Variants in SNTG2 observed in about 807,000 individuals in gnomAD.
The protein encoded by SNTG2 is gamma-2-syntrophin.
In SNTG2, 74 loss-of-function variants were observed where a neutral mutation model predicts 70.9. The ratio of observed to expected loss-of-function variants is 1.04; its 90% CI spans 0.86 to 1.27. The LOEUF (loss-of-function observed/expected upper bound fraction) is 1.27. Among genes scored for constraint, SNTG2 ranks in the 50% most tolerant of loss-of-function variants. The pLI, the probability that SNTG2 is intolerant of heterozygous loss-of-function variation, is 0.00. For synonymous variants in SNTG2, 278 were observed against 273.8 expected (o/e 1.02, Z -0.15); for missense variants, 717 against 690.7 (o/e 1.04, Z -0.43).
At chr2:1,259,813 A>G (rs13005884) in intron 13 of SNTG2, among the ~76,000 whole-genome samples, 32,523 of 152,162 alleles carry the variant, frequency 0.21, 4,820 homozygotes, top group African/African-American at 0.41. Context: ...TCAGATACAA[A>G]TTTGCCCCAG....
chr2:1,158,010 G>C (rs571027533), intron 6 of SNTG2, among the ~76,000 whole-genome samples: 1 of 152,170 alleles, frequency 6.6e-6, no homozygotes, highest in Non-Finnish European at 1.5e-5. Flanking sequence ...GGTTTGGTAC[G>C]GGGCATCCTG....
At position 1,071,052 on chromosome 2, in the gene SNTG2, G is replaced by C. The variant is rs144774356; in HGVS notation, c.73-12466G>C. Among the ~76,000 whole-genome samples, 539 of 152,360 alleles carry C rather than the reference G, an allele frequency of 3.5e-3. 6 individuals are homozygous for C. Among genetic ancestry groups the C allele is most frequent in the African/African-American group, 0.012 (502 of 41,578 alleles). On this transcript the variant is annotated intron_variant, in intron 1 of 16. Coordinates refer to ENST00000308624, the MANE Select transcript of SNTG2 (RefSeq NM_018968.4). ...ACACTCGACGCAGGCAGTGGGACTG[G>C]TGCAGAGGACACAGAAGCCTCGGGT...
intron 1 of SNTG2, among the ~76,000 whole-genome samples, chr2:980,570 A>G (rs1391639978): frequency 1.3e-5 from 2 of 152,208 alleles, no homozygotes; most frequent in South Asian, 2.1e-4. Context: ...CAAGAATACA[A>G]TGATTTCTAC....
chr2:1,175,422 T>G (rs997377338), intron 8 of SNTG2, among the ~76,000 whole-genome samples: 3 of 152,208 alleles, frequency 2.0e-5, no homozygotes, highest in African/African-American at 7.2e-5. Flanking sequence ...TCTCTCTTTG[T>G]TTTTTCTTGT....
At chr2:980,707 C>A (rs1330700706) in intron 1 of SNTG2, among the ~76,000 whole-genome samples, 1 of 152,016 alleles carries the variant, frequency 6.6e-6, no homozygotes, top group East Asian at 1.9e-4. Flanking sequence ...CACACACACA[C>A]ACACACACAC....
intron 16 of SNTG2, among the ~76,000 whole-genome samples, chr2:1,331,587 C>T (rs531251489): frequency 9.8e-4 from 149 of 152,120 alleles, no homozygotes; most frequent in Non-Finnish European, 1.8e-3. Context: ...TCTGAGAGTC[C>T]CACCCAATGG....
In SNTG2 at chr2:1,334,727, G is replaced by A. The variant is rs367925400; in HGVS notation, c.1488+18352G>A. 1.8e-4 allele frequency among the ~76,000 whole-genome samples: 27 copies of A among 152,206 alleles called. No homozygotes were observed. In the East Asian group the frequency reaches 3.9e-3, roughly 22 times the overall value. On this transcript the variant is annotated intron_variant, in intron 16 of 16. Transcript: ENST00000308624. Reference sequence around the variant, plus strand: ...AATATCACGTTCTCATTCATAAATGGGAGCTAAGTGATGAGGACGCAAAGG... The same window carrying A: ...AATATCACGTTCTCATTCATAAATGAGAGCTAAGTGATGAGGACGCAAAGG...
chr2:1,251,836 G>A (rs913313146), intron 12 of SNTG2, among the ~76,000 whole-genome samples: 2 of 151,774 alleles, frequency 1.3e-5, no homozygotes, highest in South Asian at 2.1e-4. Context: ...CACACCACAT[G>A]CACACCCCAT....
intron 14 of SNTG2, among the ~76,000 whole-genome samples, chr2:1,307,398 CTGTG>C (rs558774364): frequency 7.8e-6 from 1 of 127,526 alleles, no homozygotes; most frequent in African/African-American, 3.0e-5. Flanking sequence ...TGCACTGTGT[CTGTG>C]TGTGAGTGTG....
intron 1 of SNTG2, among the ~76,000 whole-genome samples, chr2:1,038,030 A>G (rs999249593): frequency 6.6e-6 from 1 of 152,184 alleles, no homozygotes; most frequent in Non-Finnish European, 1.5e-5. Flanking sequence ...GTTTTCCAAA[A>G]CAACTGTGGC....
chr2:1,326,443 A>G lies in SNTG2; in HGVS notation c.1488+10068A>G, dbSNP rs538966393. On this transcript the variant is annotated intron_variant, in intron 16 of 16. Coordinates refer to ENST00000308624, the MANE Select transcript of SNTG2 (RefSeq NM_018968.4). Reference sequence around the variant, plus strand: ...ACACACTTGAACAAAACAGCAACACAAGTCACTGAGAAATAACAGTGATTC... The same window carrying G: ...ACACACTTGAACAAAACAGCAACACGAGTCACTGAGAAATAACAGTGATTC... Among the ~76,000 whole-genome samples, 68 of 152,218 alleles carry G rather than the reference A, an allele frequency of 4.5e-4. 1 individual carries two copies. Among genetic ancestry groups the G allele is most frequent in the Non-Finnish European group, 6.8e-4 (46 of 68,028 alleles).
At chr2:1,255,466 C>A (rs540044937) in intron 12 of SNTG2, among the ~76,000 whole-genome samples, 15 of 152,108 alleles carry the variant, frequency 9.9e-5, no homozygotes, top group Non-Finnish European at 2.2e-4. Flanking sequence ...ACATCACCAA[C>A]AGGGACCCAG....
intron 4 of SNTG2, among the ~76,000 whole-genome samples, chr2:1,111,257 A>C (rs1219972562): frequency 6.6e-6 from 1 of 152,244 alleles, no homozygotes; most frequent in Non-Finnish European, 1.5e-5. Flanking sequence ...GAAACCTCAA[A>C]AAGAATCACA....
chr2:957,176 C>T (rs1342404738), intron 1 of SNTG2, among the ~76,000 whole-genome samples: 1 of 152,182 alleles, frequency 6.6e-6, no homozygotes, highest in Non-Finnish European at 1.5e-5. Context: ...CCAACTTGGT[C>T]ATAGTTAGCA....
At chr2:1,238,128 A>G (rs1182229184) in intron 10 of SNTG2, 111 bp downstream of exon 10, 8 of 1,355,624 alleles carry the variant, frequency 5.9e-6, no homozygotes, top group Non-Finnish European at 8.0e-6. Context: ...AAAATCATGT[A>G]CTTGTTTCAA....
chr2:1,243,277 C>G (rs1677166317), intron 11 of SNTG2, among the ~76,000 whole-genome samples: 1 of 152,092 alleles, frequency 6.6e-6, no homozygotes, highest in Admixed American at 6.5e-5. Context: ...AAGAAGAGCC[C>G]AACACTGTCC....
At chr2:1,061,678 G>A (rs902499923) in intron 1 of SNTG2, among the ~76,000 whole-genome samples, 36 of 152,148 alleles carry the variant, frequency 2.4e-4, no homozygotes, top group African/African-American at 8.0e-4. Context: ...TCTGAGTAAC[G>A]AAGTCCTTTA....
chr2:1,178,386 T>C (rs1243924476), intron 8 of SNTG2, among the ~76,000 whole-genome samples: 2 of 152,206 alleles, frequency 1.3e-5, no homozygotes, highest in African/African-American at 2.4e-5. Flanking sequence ...GTGCCAGTTT[T>C]CAAAGGGAAT....
At chr2:1,115,981 C>T (rs751107196) in intron 4 of SNTG2, among the ~76,000 whole-genome samples, 21 of 152,234 alleles carry the variant, frequency 1.4e-4, no homozygotes, top group Non-Finnish European at 2.8e-4. Flanking sequence ...TGGGGGCCAA[C>T]GGGTTCCTCT....
Sources: gnomAD v4.1 joint callset for allele counts (sites outside exome capture counted in the v4.1 genomes callset) on GRCh38, gnomAD v4.1.1 for gene constraint, MANE v1.5 for transcripts, NCBI Gene and HGNC (gene_info 2026-07-23, HGNC 2026-07-21) for gene names.